TCAIM: variants seen among roughly 807,000 people sequenced by gnomAD.
TCAIM encodes the protein T-cell activation inhibitor, mitochondrial.
Under a neutral mutation model 58.6 loss-of-function variants are expected in TCAIM, and 36 were observed. The ratio of observed to expected loss-of-function variants is 0.61; its 90% CI spans 0.47 to 0.81. TCAIM has a LOEUF of 0.81. Ranked by LOEUF, TCAIM falls within the 30% of genes least tolerant of loss-of-function variation. The pLI is 0.00. For missense variants in TCAIM, 466 were observed against 579.6 expected, an observed-to-expected ratio of 0.80 and a Z score of 2.01; for synonymous variants, 172 against 193.6, an observed-to-expected ratio of 0.89 and a Z score of 0.93.
At chr3:44,352,556 C>G (rs766474614) in intron 1 of TCAIM, among the ~76,000 whole-genome samples, 2 of 152,156 alleles carry the variant, frequency 1.3e-5, no homozygotes, top group East Asian at 1.9e-4. Flanking sequence ...TCCCTACTCA[C>G]GCATAACCTC....
rs530587887 is a variant in TCAIM, at chr3:44,366,802, G to A, written c.320-654G>A. On this transcript the variant is annotated intron_variant, in intron 4 of 10. Coordinates refer to ENST00000342649, the MANE Select transcript of TCAIM (RefSeq NM_173826.4). The stretch of plus-strand genomic sequence containing the variant: ...TTTTTAGTAGAGACGGGGTTTCACC[G>A]TCTTGGTCAGGCTGGTCTCAAACTC... Among the ~76,000 whole-genome samples, 609 of 152,120 alleles carry A rather than the reference G, an allele frequency of 4.0e-3. 1 individual carries two copies. Among genetic ancestry groups the A allele is most frequent in the African/African-American group, 0.013 (537 of 41,504 alleles).
chr3:44,344,689 A>G (rs1700928805), intron 1 of TCAIM, among the ~76,000 whole-genome samples: 1 of 152,166 alleles, frequency 6.6e-6, no homozygotes, highest in African/African-American at 2.4e-5. Flanking sequence ...GAGACCACCA[A>G]ACAGGCTTGG....
chr3:44,361,656 A>G, intron 4 of TCAIM, 138 bp downstream of exon 4: 1 of 950,086 alleles, frequency 1.1e-6, no homozygotes. Flanking sequence ...GTTTTCCTAG[A>G]ATTAGATTCT....
rs1702004791 is a variant in TCAIM, at chr3:44,400,476, T to G, written c.1007T>G (p.Leu336Trp). Residue 336 changes from leucine (L) to tryptophan (W), a missense_variant, in exon 9 of 11, where the codon TTG (leucine) becomes TGG (tryptophan). Coordinates refer to ENST00000342649, the MANE Select transcript of TCAIM (RefSeq NM_173826.4). Reference sequence around the variant, plus strand: ...TATATTGAAGAATTACAGCCAGTATTGACACTTGAAGAATATTACTCTCTT... The same window carrying G: ...TATATTGAAGAATTACAGCCAGTATGGACACTTGAAGAATATTACTCTCTT... ...VVYIEELQPV[L>W]TLEEYYSLLD... 1 of 1,613,756 alleles carries G rather than the reference T, an allele frequency of 6.2e-7. No individual in the cohort carries two copies. Among genetic ancestry groups the G allele is most frequent in the Non-Finnish European group, 8.5e-7 (1 of 1,179,780 alleles).
rs781601407 is a variant in TCAIM at position 44,361,485 on chromosome 3, T to C, written c.286T>C (p.Ser96Pro). ...TFYVRETDQSSSDGQEPFSTS... is the reference protein window; with the variant it reads ...TFYVRETDQSPSDGQEPFSTS... ...TTATGTAAGAGAAACAGACCAGAGT[T>C]CCTCCGATGGCCAGGAACCTTTTAG... Residue 96 changes from serine to proline, a missense_variant, in exon 4 of 11, where the codon TCC becomes CCC. Coordinates refer to ENST00000342649, the MANE Select transcript of TCAIM (RefSeq NM_173826.4). 6.2e-7 allele frequency: 1 copy of C among 1,607,162 alleles called. No homozygotes were observed. Among genetic ancestry groups the C allele is most frequent in the South Asian group, 1.1e-5 (1 of 89,050 alleles).
In TCAIM at chr3:44,377,290, A is replaced by G. The variant is rs546859605; in HGVS notation, c.572+9582A>G. ...TTACAAGAGAAAAGAAGATTATTACATATTAATAAAAGGCTCCACAACAAC... is the reference window on the plus strand; with the variant it reads ...TTACAAGAGAAAAGAAGATTATTACGTATTAATAAAAGGCTCCACAACAAC... On this transcript the variant is annotated intron_variant, in intron 5 of 10. Coordinates refer to ENST00000342649, the MANE Select transcript of TCAIM (RefSeq NM_173826.4). 2.6e-5 allele frequency among the ~76,000 whole-genome samples: 4 copies of G among 152,288 alleles called. No individual in the cohort carries two copies. The East Asian group carries it at 5.8e-4, about 22-fold the overall frequency.
intron 5 of TCAIM, among the ~76,000 whole-genome samples, chr3:44,387,582 C>T (rs987734700): frequency 6.6e-6 from 1 of 152,258 alleles, no homozygotes; most frequent in African/African-American, 2.4e-5. Context: ...TTTGCCCGCT[C>T]TCCACTGCAG....
intron 3 of TCAIM, 97 bp downstream of exon 3, chr3:44,357,973 C>A: frequency 6.9e-7 from 1 of 1,448,386 alleles, no homozygotes; most frequent in Non-Finnish European, 9.2e-7. Context: ...GTGGATTATT[C>A]TGTTGTGGTG....
intron 5 of TCAIM, among the ~76,000 whole-genome samples, chr3:44,382,860 T>C (rs910840523): frequency 6.6e-6 from 1 of 152,060 alleles, no homozygotes; most frequent in Non-Finnish European, 1.5e-5. Context: ...GGAATTGATA[T>C]CCAGAATAAA....
intron 5 of TCAIM, among the ~76,000 whole-genome samples, chr3:44,389,910 T>C (rs920561351): frequency 1.3e-5 from 2 of 152,154 alleles, no homozygotes; most frequent in African/African-American, 4.8e-5. Flanking sequence ...TGCATATTGG[T>C]ACATCTCATA....
chr3:44,351,557 T>C (rs1175430033), intron 1 of TCAIM, among the ~76,000 whole-genome samples: 1 of 151,994 alleles, frequency 6.6e-6, no homozygotes, highest in Non-Finnish European at 1.5e-5. Flanking sequence ...TGCAGTGGCG[T>C]GATCTCGGCT....
At chr3:44,351,434 A>G (rs1350938694) in intron 1 of TCAIM, among the ~76,000 whole-genome samples, 3 of 151,970 alleles carry the variant, frequency 2.0e-5, no homozygotes, top group Non-Finnish European at 4.4e-5. Flanking sequence ...TATTTGTCTC[A>G]AAATATCAAT....
intron 1 of TCAIM, among the ~76,000 whole-genome samples, chr3:44,341,857 A>G (rs1450532029): frequency 6.6e-6 from 1 of 152,310 alleles, no homozygotes; most frequent in East Asian, 1.9e-4. Context: ...ACACATACAC[A>G]AAGTCAGATG....
rs746343248 is a variant in TCAIM, at chr3:44,358,191, A to ATC, written c.165+325_165+326dup. ...CTTGAGACCTTTATTATCATGATCA[A>ATC]TCTCTCTCTCTTTTTTTTTTTTAAG... On this transcript the variant is annotated intron_variant, in intron 3 of 10. Coordinates refer to ENST00000342649, the MANE Select transcript of TCAIM (RefSeq NM_173826.4). 23 of 1,560,498 alleles carry ATC rather than the reference A, an allele frequency of 1.5e-5. No individual in the cohort carries two copies. The African/African-American group carries it at 2.6e-4, about 18-fold the overall frequency.
Position 44,407,492 on chromosome 3 carries a change from C to A in TCAIM, c.1301C>A (p.Ser434Tyr), listed in dbSNP as rs1412745739. The A allele has an allele frequency of 6.2e-7, 1 of 1,610,898 alleles. No individual in the cohort carries two copies. Among genetic ancestry groups the A allele is most frequent in the Non-Finnish European group, 8.5e-7 (1 of 1,177,922 alleles). The change falls in exon 11 of 11, where the codon TCT becomes TAT. Residue 434 changes from serine to tyrosine, a missense_variant. Physicochemically the swap from Ser to Tyr is moderately radical, Grantham distance 144. Transcript: ENST00000342649. The part of the protein sequence containing the change: ...ELIQASTKKF[S>Y]LEKLYKEPSI... ...ATACAGGCATCAACAAAGAAATTTT[C>A]TTTGGAGAAGTTATATAAAGAGCCC...
chr3:44,362,716 A>C, intron 4 of TCAIM: 1 of 283,914 alleles, frequency 3.5e-6, no homozygotes, highest in Non-Finnish European at 6.5e-6. Flanking sequence ...AATGCTGTAA[A>C]TAATGAATAA....
intron 8 of TCAIM, among the ~76,000 whole-genome samples, chr3:44,397,895 G>A (rs555113020): frequency 1.3e-5 from 2 of 151,846 alleles, no homozygotes; most frequent in African/African-American, 2.4e-5. Context: ...AGAAATATTT[G>A]CAAACCGTAT....
Position 44,351,676 on chromosome 3 carries a change from G to A in TCAIM, c.-44-3063G>A, listed in dbSNP as rs1701092116. On this transcript the variant is annotated intron_variant, in intron 1 of 10. Coordinates refer to ENST00000342649, the MANE Select transcript of TCAIM (RefSeq NM_173826.4). Reference sequence around the variant, plus strand: ...CACCTGGCTAATTTTTGTATTTTTTGTAGAGATGGGGTTTTGCCATGTTGG... The same window carrying A: ...CACCTGGCTAATTTTTGTATTTTTTATAGAGATGGGGTTTTGCCATGTTGG... 1.3e-5 allele frequency among the ~76,000 whole-genome samples: 2 copies of A among 151,676 alleles called. 1 individual carries two copies. The highest frequency in any genetic ancestry group is 4.2e-4 in the South Asian group (2 of 4,790).
intron 1 of TCAIM, among the ~76,000 whole-genome samples, chr3:44,343,256 T>C (rs1345148648): frequency 6.6e-6 from 1 of 152,138 alleles, no homozygotes; most frequent in East Asian, 1.9e-4. Flanking sequence ...GCTCACACAG[T>C]CACTGAAGAT....
Sources: gnomAD v4.1 joint callset for allele counts (sites outside exome capture counted in the v4.1 genomes callset) on GRCh38, gnomAD v4.1.1 for gene constraint, MANE v1.5 for transcripts, NCBI Gene and HGNC (gene_info 2026-07-23, HGNC 2026-07-21) for gene names.